Variants in RABGAP1L observed in about 807,000 individuals in gnomAD.
The protein encoded by RABGAP1L is rab GTPase-activating protein 1-like.
RABGAP1L carries 63 observed loss-of-function variants against 137.7 expected under a neutral mutation model. The observed-to-expected ratio is 0.46, with a 90% CI of 0.37 to 0.56. The LOEUF (loss-of-function observed/expected upper bound fraction) is 0.56. Among genes scored for constraint, RABGAP1L ranks in the 20% least tolerant of loss-of-function variants. The pLI, the probability that RABGAP1L is intolerant of heterozygous loss-of-function variation, is 0.00. For missense variants in RABGAP1L, 1,095 were observed against 1,244.0 expected, an observed-to-expected ratio of 0.88 and a Z score of 1.80; for synonymous variants, 431 against 433.7, an observed-to-expected ratio of 0.99 and a Z score of 0.08.
intron 13 of RABGAP1L, among the ~76,000 whole-genome samples, chr1:174,476,488 C>A (rs1358484126): frequency 1.3e-5 from 2 of 151,968 alleles, no homozygotes; most frequent in Non-Finnish European, 1.5e-5. Context: ...TTTATGAATT[C>A]TTTAATATTA....
intron 18 of RABGAP1L, among the ~76,000 whole-genome samples, chr1:174,790,089 G>A (rs976744003): frequency 6.6e-6 from 1 of 151,716 alleles, no homozygotes; most frequent in African/African-American, 2.4e-5. Context: ...TCACACCTGT[G>A]GTTCCAGCTG....
At chr1:174,304,277 A>G (rs1469799659) in intron 10 of RABGAP1L, among the ~76,000 whole-genome samples, 1 of 151,954 alleles carries the variant, frequency 6.6e-6, no homozygotes, top group Admixed American at 6.6e-5. Context: ...ACTAAATCCT[A>G]TTGGTTGTGA....
At chr1:174,351,285 TTTC>T (rs1683164997) in intron 11 of RABGAP1L, among the ~76,000 whole-genome samples, 1 of 152,206 alleles carries the variant, frequency 6.6e-6, no homozygotes, top group African/African-American at 2.4e-5. Context: ...CCTCAGATAA[TTTC>T]TTATTGTTCA....
intron 12 of RABGAP1L, among the ~76,000 whole-genome samples, chr1:174,383,246 T>G (rs972162717): frequency 1.3e-5 from 2 of 150,862 alleles, no homozygotes; most frequent in Non-Finnish European, 3.0e-5. Flanking sequence ...TCTTTTTGTT[T>G]GTCTGTGCCC....
intron 1 of RABGAP1L, among the ~76,000 whole-genome samples, chr1:174,212,761 T>A (rs1008703661): frequency 6.6e-6 from 1 of 151,908 alleles, no homozygotes; most frequent in Non-Finnish European, 1.5e-5. Flanking sequence ...AGCTGGTGGT[T>A]TGAAAAGTTA....
intron 13 of RABGAP1L, among the ~76,000 whole-genome samples, chr1:174,430,639 A>T (rs1186138124): frequency 1.3e-5 from 2 of 152,164 alleles, no homozygotes; most frequent in African/African-American, 4.8e-5. Context: ...CAAATTTCAC[A>T]CAAACCTAAT....
chr1:174,387,055 A>C (rs1255184047), intron 12 of RABGAP1L, among the ~76,000 whole-genome samples: 1 of 152,212 alleles, frequency 6.6e-6, no homozygotes, highest in Non-Finnish European at 1.5e-5. Flanking sequence ...TTTATGAGGC[A>C]TCATCTTAGA....
intron 18 of RABGAP1L, among the ~76,000 whole-genome samples, chr1:174,809,771 C>T (rs577803587): frequency 2.0e-5 from 3 of 152,318 alleles, no homozygotes; most frequent in African/African-American, 7.2e-5. Context: ...ATGTGAAAAA[C>T]GAAGCCTAGG....
At chr1:174,403,571 A>G (rs1648898594) in intron 13 of RABGAP1L, among the ~76,000 whole-genome samples, 1 of 152,080 alleles carries the variant, frequency 6.6e-6, no homozygotes, top group Non-Finnish European at 1.5e-5. Flanking sequence ...CTTGGCGTAT[A>G]GTAAGTACTC....
At chr1:174,189,331 G>A (rs920651694) in intron 1 of RABGAP1L, among the ~76,000 whole-genome samples, 2 of 152,066 alleles carry the variant, frequency 1.3e-5, no homozygotes, top group Non-Finnish European at 1.5e-5. Context: ...GTAGAAGATT[G>A]TTTGTTTACA....
intron 1 of RABGAP1L, among the ~76,000 whole-genome samples, chr1:174,195,761 CTCTT>C (rs904378136): frequency 1.2e-4 from 13 of 111,574 alleles, no homozygotes; most frequent in East Asian, 6.6e-4. Flanking sequence ...CTCTCTTTCT[CTCTT>C]TCTCTCTTTC....
chr1:174,205,795 C>T (rs1196242077), intron 1 of RABGAP1L, among the ~76,000 whole-genome samples: 1 of 152,034 alleles, frequency 6.6e-6, no homozygotes, highest in Non-Finnish European at 1.5e-5. Context: ...ATTTTGAATA[C>T]TTCTTTTCTT....
intron 19 of RABGAP1L, among the ~76,000 whole-genome samples, chr1:174,856,155 G>T (rs1008624124): frequency 6.6e-6 from 1 of 152,158 alleles, no homozygotes; most frequent in African/African-American, 2.4e-5. Context: ...CCAGCACTTT[G>T]GGAGGCCAAG....
chr1:174,231,489 T>C (rs950943916), intron 4 of RABGAP1L, 134 bp downstream of exon 4: 14 of 790,320 alleles, frequency 1.8e-5, no homozygotes, highest in Non-Finnish European at 2.9e-5. Flanking sequence ...TGTTTAGGCT[T>C]AGACTGTGTT....
At chr1:174,232,315 C>T (rs1472140638) in intron 4 of RABGAP1L, among the ~76,000 whole-genome samples, 1 of 151,790 alleles carries the variant, frequency 6.6e-6, no homozygotes, top group Non-Finnish European at 1.5e-5. Context: ...CGAAACCAGC[C>T]TGGGCAAAAT....
intron 19 of RABGAP1L, among the ~76,000 whole-genome samples, chr1:174,857,080 A>T (rs1649441936): frequency 6.6e-6 from 1 of 152,212 alleles, no homozygotes; most frequent in African/African-American, 2.4e-5. Context: ...AGTGGTATAA[A>T]ATGTCAACCT....
chr1:174,472,608 A>G lies in RABGAP1L; in HGVS notation c.1710+78463A>G, dbSNP rs79887084. On this transcript the variant is annotated intron_variant, in intron 13 of 25. Coordinates refer to ENST00000681986, the MANE Select transcript of RABGAP1L (RefSeq NM_001366446.1). ...CCGAATCTTCTCCCAGTTAAGTTGC[A>G]CAGGATGAGCTTAATTACTCAAGTA... Among the ~76,000 whole-genome samples, 381 of 152,352 alleles carry G rather than the reference A, an allele frequency of 2.5e-3. 3 individuals carry two copies. The highest frequency in any genetic ancestry group is 8.9e-3 in the African/African-American group (370 of 41,570).
rs1680650323 is a variant in RABGAP1L at position 174,327,990 on chromosome 1, T to TATATATATATATATATATATACACAC, written c.1465+22884_1465+22885insCACACATATATATATATATATATATA. On this transcript the variant is annotated intron_variant, in intron 11 of 25. Transcript: ENST00000681986. ...ATATATATATATATACACACACATATATATATATATATATATATATATATA... is the reference window on the plus strand; with the variant it reads ...ATATATATATATATACACACACATATATATATATATATATATATATACACACATATATATATATATATATATATATA... Among the ~76,000 whole-genome samples the TATATATATATATATATATATACACAC allele has an allele frequency of 6.6e-4, 24 of 36,362 alleles. 1 individual carries two copies. The South Asian group carries it at 0.016, about 25-fold the overall frequency. The allele number at this position is 36,362 out of a possible 152,430, so 23.9% of individuals were successfully genotyped here.
chr1:174,161,677 A>G (rs1221889814), intron 1 of RABGAP1L, among the ~76,000 whole-genome samples: 3 of 152,238 alleles, frequency 2.0e-5, no homozygotes, highest in African/African-American at 4.8e-5. Flanking sequence ...ATTGGGGCAT[A>G]TGGTGAATAT....
Sources: gnomAD v4.1 joint callset for allele counts (sites outside exome capture counted in the v4.1 genomes callset) on GRCh38, gnomAD v4.1.1 for gene constraint, MANE v1.5 for transcripts, NCBI Gene and HGNC (gene_info 2026-07-23, HGNC 2026-07-21) for gene names.